Variants in PDE4A observed in about 807,000 individuals in gnomAD.
The protein encoded by PDE4A is phosphodiesterase 4A.
PDE4A carries 21 observed loss-of-function variants against 73.9 expected under a neutral mutation model. The ratio of observed to expected loss-of-function variants is 0.28; its 90% CI spans 0.20 to 0.41. PDE4A has a LOEUF of 0.41. Ranked by LOEUF, PDE4A falls within the 10% of genes least tolerant of loss-of-function variation. The pLI, the probability that PDE4A is intolerant of heterozygous loss-of-function variation, is 1.00. For synonymous variants in PDE4A, 463 were observed against 505.4 expected (o/e 0.92, Z 1.13); for missense variants, 958 against 1,211.4 (o/e 0.79, Z 3.10).
At position 10,463,724 on chromosome 19, in the gene PDE4A, T is replaced by C. The variant is rs931390377; in HGVS notation, c.1744-69T>C. 5 of 1,587,888 alleles carry C rather than the reference T, an allele frequency of 3.1e-6. No homozygotes were observed. In the African/African-American group the frequency reaches 5.4e-5, roughly 17 times the overall value. ...CCCCCATTTCTTAAAAAAGAAGGAATGCCTGAGGTCTCAGACTGGGACACA... is the reference window on the plus strand; with the variant it reads ...CCCCCATTTCTTAAAAAAGAAGGAACGCCTGAGGTCTCAGACTGGGACACA... On this transcript the variant is annotated intron_variant, in intron 13 of 14. Coordinates refer to ENST00000380702, the MANE Select transcript of PDE4A (RefSeq NM_001111307.2).
intron 7 of PDE4A, among the ~76,000 whole-genome samples, chr19:10,455,312 A>G (rs1455764037): frequency 2.0e-5 from 3 of 152,006 alleles, no homozygotes; most frequent in Non-Finnish European, 4.4e-5. Context: ...AAAATACAAA[A>G]AATTAGCCAG....
At chr19:10,462,217 TCCGCCTCCCGCCTC>T (rs367865734) in intron 13 of PDE4A, among the ~76,000 whole-genome samples, 13 of 151,866 alleles carry the variant, frequency 8.6e-5, no homozygotes, top group East Asian at 3.9e-4. Context: ...CACCACAACC[TCCGCCTCCCGCCTC>T]CCGCCTCCCG....
At chr19:10,417,100 T>C, upstream of PDE4A, 1 of 1,462,026 alleles carries the variant, frequency 6.8e-7, no homozygotes, top group South Asian at 1.4e-5. Context: ...ACCTCCAAGC[T>C]GTGAGGAGTT....
rs376507621 is a variant in PDE4A, at chr19:10,457,912, C to T, written c.911C>T (p.Thr304Met). The change falls in exon 8 of 15, where the codon ACG (threonine) becomes ATG (methionine). Residue 304 changes from threonine to methionine, a missense_variant. Transcript: ENST00000380702. ...AATGAAGTGGAGATCCCATCACCCA[C>T]GATGAAGGAACGAGAAAAACAGCAA... ...KQNEVEIPSP[T>M]MKEREKQQAP... 31 of 1,612,586 alleles carry T rather than the reference C, an allele frequency of 1.9e-5. No individual in the cohort carries two copies. Among genetic ancestry groups the T allele is most frequent in the Admixed American group, 1.5e-4 (9 of 60,004 alleles).
chr19:10,452,267 G>A (rs1036459935), intron 6 of PDE4A, among the ~76,000 whole-genome samples: 3 of 151,766 alleles, frequency 2.0e-5, no homozygotes, highest in South Asian at 2.1e-4. Context: ...GAGAAACCCC[G>A]TCTCTACTAA....
At position 10,450,793 on chromosome 19, in the gene PDE4A, CCTT is replaced by C. The variant is rs763880388; in HGVS notation, c.671-33_671-31del. ...GAGCCTCTGGGCTTCTGCCTACAGACCTTCTCAGTCACTACCCTGGCTGCCCCT... is the reference window on the plus strand; with the variant it reads ...GAGCCTCTGGGCTTCTGCCTACAGACCTCAGTCACTACCCTGGCTGCCCCT... On this transcript the variant is annotated intron_variant, in intron 5 of 14. Transcript: ENST00000380702. 3.8e-6 allele frequency: 6 copies of C among 1,585,302 alleles called. No individual in the cohort carries two copies. In the South Asian group the frequency reaches 6.9e-5, roughly 18 times the overall value.
At chr19:10,416,800 A>G, upstream of PDE4A, 1 of 1,519,674 alleles carries the variant, frequency 6.6e-7, no homozygotes, top group African/African-American at 1.4e-5. Context: ...GGCAATAGGC[A>G]AGTGGCGGGG....
chr19:10,432,636 G>T, intron 1 of PDE4A: 6 of 1,445,438 alleles, frequency 4.2e-6, no homozygotes, highest in South Asian at 1.3e-5. Flanking sequence ...GTGCTGGGGG[G>T]GTGGGGGTGC....
chr19:10,466,789 C>A, intron 14 of PDE4A, 98 bp from the exon 15 acceptor site: 1 of 1,512,368 alleles, frequency 6.6e-7, no homozygotes, highest in Admixed American at 2.0e-5. Flanking sequence ...CCACCATGCC[C>A]GGCCCATAAG....
At chr19:10,430,762 G>C in intron 1 of PDE4A, 3 of 405,828 alleles carry the variant, frequency 7.4e-6, no homozygotes, top group Non-Finnish European at 1.0e-5. Flanking sequence ...CGGGCCCGGG[G>C]CTGGGCAGGC....
intron 1 of PDE4A, among the ~76,000 whole-genome samples, chr19:10,432,014 C>T (rs1466499812): frequency 6.6e-6 from 1 of 151,664 alleles, no homozygotes; most frequent in Admixed American, 6.6e-5. Flanking sequence ...CCCGTTTCCC[C>T]GGGGGCGCAC....
At chr19:10,418,069 T>C (rs551155586), upstream of PDE4A, among the ~76,000 whole-genome samples, 3 of 152,262 alleles carry the variant, frequency 2.0e-5, no homozygotes, top group African/African-American at 7.2e-5. Flanking sequence ...ATTTTCCAGC[T>C]GCCTGAGTCA....
In PDE4A at chr19:10,436,203, A is replaced by G. The variant is rs139103343; in HGVS notation, c.321-10015A>G. Among the ~76,000 whole-genome samples, 173 of 152,300 alleles carry G rather than the reference A, an allele frequency of 1.1e-3. 1 individual carries two copies. The highest frequency in any genetic ancestry group is 4.1e-3 in the African/African-American group (172 of 41,576). ...AAATCCACCTTAGGAGACAGGACACAGTTCTCAGACAATGAAGCCACCAAC... is the reference window on the plus strand; with the variant it reads ...AAATCCACCTTAGGAGACAGGACACGGTTCTCAGACAATGAAGCCACCAAC... On this transcript the variant is annotated intron_variant, in intron 1 of 14. Coordinates refer to ENST00000380702, the MANE Select transcript of PDE4A (RefSeq NM_001111307.2).
At chr19:10,451,822 G>C (rs373101752) in intron 6 of PDE4A, among the ~76,000 whole-genome samples, 1 of 152,086 alleles carries the variant, frequency 6.6e-6, no homozygotes, top group East Asian at 1.9e-4. Flanking sequence ...GGAGAGAGTG[G>C]TAACAGCCCT....
In PDE4A at chr19:10,423,430, G is replaced by A. The variant is rs141946505; in HGVS notation, c.320+2346G>A. On this transcript the variant is annotated intron_variant, in intron 1 of 14. Transcript: ENST00000380702. ...CACCCCTTAGCCTCCCAAAGTGCTG[G>A]GATTACAGGCATGAGCCACTGCACC... Among the ~76,000 whole-genome samples the A allele has an allele frequency of 1.1e-3, 170 of 152,108 alleles. 1 individual carries two copies. The highest frequency in any genetic ancestry group is 4.1e-3 in the African/African-American group (169 of 41,502).
intron 2 of PDE4A, among the ~76,000 whole-genome samples, chr19:10,446,930 G>A (rs1353800102): frequency 1.6e-5 from 2 of 128,996 alleles, no homozygotes; most frequent in Admixed American, 8.1e-5. Context: ...GTGTCTCTCT[G>A]TTGTGTTGCC....
intron 1 of PDE4A, among the ~76,000 whole-genome samples, chr19:10,438,162 G>T (rs1187978980): frequency 6.6e-6 from 1 of 150,900 alleles, no homozygotes; most frequent in African/African-American, 2.4e-5. Context: ...CGCCAGGCTG[G>T]AGTGCAGTGG....
At chr19:10,420,528 G>T, upstream of PDE4A, 1 of 1,112,292 alleles carries the variant, frequency 9.0e-7, no homozygotes, top group African/African-American at 1.6e-5. The surrounding 1 kb of genome is among the most constrained non-coding windows in gnomAD (Gnocchi z 6.0). Context: ...CGCGGAGCGC[G>T]GAGCGCGGAG....
chr19:10,441,690 T>A (rs1056079636), intron 1 of PDE4A, among the ~76,000 whole-genome samples: 26 of 143,234 alleles, frequency 1.8e-4, no homozygotes, highest in Non-Finnish European at 1.4e-4. Context: ...AGTTATTTTT[T>A]TTTTTTTTTT....
Sources: gnomAD v4.1 joint callset for allele counts (sites outside exome capture counted in the v4.1 genomes callset) on GRCh38, gnomAD v4.1.1 for gene constraint, Gnocchi (gnomAD v3.1) non-coding constraint, MANE v1.5 for transcripts, NCBI Gene and HGNC (gene_info 2026-07-23, HGNC 2026-07-21) for gene names.